Variants in TFDP1 observed in about 807,000 individuals in gnomAD.
The protein encoded by TFDP1 is DRTF1-polypeptide 1.
In TFDP1, 6 loss-of-function variants were observed where a neutral mutation model predicts 48.0. That is an observed-to-expected ratio of 0.13 (90% CI 0.07 to 0.25). The LOEUF (loss-of-function observed/expected upper bound fraction) is 0.25, where lower values mean the gene tolerates loss of function less well. Ranked by LOEUF, TFDP1 falls within the 10% of genes least tolerant of loss-of-function variation. TFDP1 has a pLI of 1.00. For missense variants in TFDP1, 335 were observed against 543.0 expected, an observed-to-expected ratio of 0.62 and a Z score of 3.81; for synonymous variants, 201 against 211.6, an observed-to-expected ratio of 0.95 and a Z score of 0.44.
intron 4 of TFDP1, 129 bp from the exon 5 acceptor site, chr13:113,631,494 C>A: frequency 8.1e-7 from 1 of 1,227,744 alleles, no homozygotes; most frequent in Non-Finnish European, 1.1e-6. Flanking sequence ...GTTTTTCCTG[C>A]TCCGTCATGG....
intron 2 of TFDP1, among the ~76,000 whole-genome samples, chr13:113,600,311 C>A (rs1025536272): frequency 1.3e-5 from 2 of 150,626 alleles, no homozygotes; most frequent in East Asian, 4.0e-4. Context: ...AGAGAGAACC[C>A]TTGCACGTAG....
chr13:113,604,846 G>T (rs2048525904), intron 2 of TFDP1, among the ~76,000 whole-genome samples: 1 of 152,226 alleles, frequency 6.6e-6, no homozygotes, highest in Non-Finnish European at 1.5e-5. Flanking sequence ...TCTCAGGCAG[G>T]AATGGAGGCT....
Position 113,623,102 on chromosome 13 carries a change from C to G in TFDP1, c.80-78C>G, listed in dbSNP as rs2049035459. ...AAGCATCTCTAATTGCAAGCACCGT[C>G]TTGCATTTAGAATGGTCGCTTGTAG... is the stretch of plus-strand genomic sequence containing the variant. On this transcript the variant is annotated intron_variant, in intron 3 of 11. Coordinates refer to ENST00000375370, the MANE Select transcript of TFDP1 (RefSeq NM_007111.5). This position sits in a 1 kb window ranked among gnomAD's most constrained non-coding sequence, Gnocchi z 5.2. 2 of 1,311,840 alleles carry G rather than the reference C, an allele frequency of 1.5e-6. No homozygotes were observed. The highest frequency in any genetic ancestry group is 4.0e-5 in the Admixed American group (2 of 50,090). The allele number at this position is 1,311,840 out of a possible 1,614,324, so 81.3% of individuals were successfully genotyped here. A position where few individuals can be genotyped will look rare whatever the true frequency, so the allele number is the denominator to read the frequency against.
At chr13:113,601,710 C>T (rs2048431761) in intron 2 of TFDP1, among the ~76,000 whole-genome samples, 1 of 152,226 alleles carries the variant, frequency 6.6e-6, no homozygotes, top group Non-Finnish European at 1.5e-5. Context: ...GGCCTGTGGC[C>T]AGGTGCGCGG....
At chr13:113,616,038 A>C (rs1221456816) in intron 3 of TFDP1, among the ~76,000 whole-genome samples, 7 of 151,862 alleles carry the variant, frequency 4.6e-5, no homozygotes, top group Non-Finnish European at 7.4e-5. Context: ...CCACCTCTCC[A>C]CTAAAAATAT....
chr13:113,631,151 G>C (rs2049325127), intron 4 of TFDP1, among the ~76,000 whole-genome samples: 1 of 152,202 alleles, frequency 6.6e-6, no homozygotes, highest in African/African-American at 2.4e-5. Context: ...TTTGTTTCAG[G>C]CCTCTTTTTA....
In TFDP1 at chr13:113,627,852, C is replaced by T. The variant is rs906313478; in HGVS notation, c.187-3771C>T. ...CGACTCCGGTCTGTGGAAAAACTGT[C>T]TTCCACAAAACTGGTCCCTGATACC... On this transcript the variant is annotated intron_variant, in intron 4 of 11. Coordinates refer to ENST00000375370, the MANE Select transcript of TFDP1 (RefSeq NM_007111.5). This position sits in a 1 kb window ranked among gnomAD's most constrained non-coding sequence, Gnocchi z 4.1. Among the ~76,000 whole-genome samples the T allele has an allele frequency of 2.0e-5, 3 of 152,210 alleles. No individual in the cohort carries two copies. The highest frequency in any genetic ancestry group is 7.2e-5 in the African/African-American group (3 of 41,462).
At chr13:113,602,609 C>G (rs999347333) in intron 2 of TFDP1, among the ~76,000 whole-genome samples, 1 of 152,240 alleles carries the variant, frequency 6.6e-6, no homozygotes, top group Non-Finnish European at 1.5e-5. Context: ...TCACTTTCTT[C>G]TCAGCTCTGC....
chr13:113,620,284 G>C (rs2048966156), intron 3 of TFDP1, among the ~76,000 whole-genome samples: 1 of 152,246 alleles, frequency 6.6e-6, no homozygotes, highest in South Asian at 2.1e-4. Context: ...CAGGAAAGGG[G>C]AGCCCCAGAC....
At position 113,636,039 on chromosome 13, in the gene TFDP1, A is replaced by G. The variant is rs777397157; in HGVS notation, c.750A>G (p.Pro250=). The change falls in exon 9 of 12, where the codon CCA becomes CCG. Residue 250 remains proline (P), a synonymous_variant. Coordinates refer to ENST00000375370, the MANE Select transcript of TFDP1 (RefSeq NM_007111.5). ...NRHAEQQASR[P]PPPNSVIHLP... is the part of the protein sequence containing the mutation. ...ATGCGGAGCAGCAGGCCAGCCGGCC[A>G]CCGCCACCCAACTCAGTCATCCACC... The G allele has an allele frequency of 4.3e-6, 7 of 1,614,140 alleles. No homozygotes were observed. Among genetic ancestry groups the G allele is most frequent in the South Asian group, 3.3e-5 (3 of 91,078 alleles).
chr13:113,588,424 G>A (rs1005087976), intron 2 of TFDP1, among the ~76,000 whole-genome samples: 2 of 152,336 alleles, frequency 1.3e-5, no homozygotes, highest in Non-Finnish European at 1.5e-5. Context: ...AAACAACTCC[G>A]GAGCTTCCAA....
At chr13:113,599,744 C>T (rs1016157786) in intron 2 of TFDP1, among the ~76,000 whole-genome samples, 8 of 152,356 alleles carry the variant, frequency 5.3e-5, no homozygotes, top group Non-Finnish European at 1.0e-4. Flanking sequence ...CCTCCCGCTT[C>T]CACATCCAGG....
chr13:113,637,632 T>C (rs2049526396), intron 10 of TFDP1, 186 bp from the exon 11 acceptor site: 3 of 1,535,748 alleles, frequency 2.0e-6, no homozygotes, highest in Non-Finnish European at 2.6e-6. Context: ...AAGACAGGCT[T>C]ATGTGACTGC....
chr13:113,617,434 G>A (rs1344286820), intron 3 of TFDP1, among the ~76,000 whole-genome samples: 1 of 151,976 alleles, frequency 6.6e-6, no homozygotes, highest in Non-Finnish European at 1.5e-5. Context: ...ATGCAGAGCC[G>A]CTCACCTGCA....
At chr13:113,626,956 T>C (rs916528974) in intron 4 of TFDP1, among the ~76,000 whole-genome samples, 2 of 152,250 alleles carry the variant, frequency 1.3e-5, no homozygotes, top group Non-Finnish European at 2.9e-5. Flanking sequence ...GATTATCTTA[T>C]TGATGTGCTT....
In TFDP1 at chr13:113,607,219, G is replaced by C. The variant is rs751600987; in HGVS notation, c.13-3777G>C. Among the ~76,000 whole-genome samples, 1 of 152,220 alleles carries C rather than the reference G, an allele frequency of 6.6e-6. No individual in the cohort carries two copies. Among genetic ancestry groups the C allele is most frequent in the Non-Finnish European group, 1.5e-5 (1 of 68,032 alleles). On this transcript the variant is annotated intron_variant, in intron 2 of 11. Coordinates refer to ENST00000375370, the MANE Select transcript of TFDP1 (RefSeq NM_007111.5). The surrounding 1 kb of genome is among the most constrained non-coding windows in gnomAD (Gnocchi z 5.2). Reference sequence around the variant, plus strand: ...GTTGCTGCGGCTGAGACAGCGCAGGGCGTCATTCATCCCCCTGCCTCCTGA... The same window carrying C: ...GTTGCTGCGGCTGAGACAGCGCAGGCCGTCATTCATCCCCCTGCCTCCTGA...
Position 113,633,682 on chromosome 13 carries a change from C to T in TFDP1, c.475-208C>T, listed in dbSNP as rs539391254. Among the ~76,000 whole-genome samples the T allele has an allele frequency of 3.7e-4, 56 of 152,232 alleles. No homozygotes were observed. The highest frequency in any genetic ancestry group is 7.5e-4 in the Non-Finnish European group (51 of 68,004). ...CAGCTGGGCTCGACACCCGAGAGCC[C>T]CCGGCTCTCCTTCTGGAACACACTC... is the stretch of plus-strand genomic sequence containing the variant. On this transcript the variant is annotated intron_variant, in intron 6 of 11. Transcript: ENST00000375370. The surrounding 1 kb of genome is among the most constrained non-coding windows in gnomAD (Gnocchi z 4.5).
At chr13:113,615,979 T>G (rs57703716) in intron 3 of TFDP1, among the ~76,000 whole-genome samples, 3,532 of 151,874 alleles carry the variant, frequency 0.023, 106 homozygotes, top group East Asian at 0.11. Context: ...GAGGCAGGTG[T>G]ATCACCTGAG....
intron 2 of TFDP1, among the ~76,000 whole-genome samples, chr13:113,592,030 A>T (rs955428707): frequency 6.6e-6 from 1 of 152,228 alleles, no homozygotes; most frequent in African/African-American, 2.4e-5. Flanking sequence ...CTGTGAGGAC[A>T]GGGACTATGG....
Sources: gnomAD v4.1 joint callset for allele counts (sites outside exome capture counted in the v4.1 genomes callset) on GRCh38, gnomAD v4.1.1 for gene constraint, Gnocchi (gnomAD v3.1) non-coding constraint, MANE v1.5 for transcripts, NCBI Gene and HGNC (gene_info 2026-07-23, HGNC 2026-07-21) for gene names.